Variants in MOCOS observed in about 807,000 individuals in gnomAD.
The protein encoded by MOCOS is human molybdenum cofactor sulfurase.
A neutral mutation model predicts 83.6 loss-of-function variants in MOCOS; 86 were observed. The ratio of observed to expected loss-of-function variants is 1.03; its 90% CI spans 0.86 to 1.23. The LOEUF is 1.23. Ranked by LOEUF, MOCOS falls within the 50% of genes most tolerant of loss-of-function variation. The pLI is 0.00. For missense variants in MOCOS, 1,120 were observed against 1,126.9 expected, an observed-to-expected ratio of 0.99 and a Z score of 0.09; for synonymous variants, 445 against 434.7, an observed-to-expected ratio of 1.02 and a Z score of -0.29.
Position 36,254,484 on chromosome 18 carries a change from GTGTGTGTGTGTGTGTA to G in MOCOS, c.2165-2482_2165-2467del, listed in dbSNP as rs1291401254. 2.4e-5 allele frequency among the ~76,000 whole-genome samples: 3 copies of G among 123,202 alleles called. No homozygotes were observed. The Admixed American group carries it at 2.8e-4, about 11-fold the overall frequency. 80.8% of individuals were successfully genotyped at this position (123,202 alleles called of 152,430 possible). On this transcript the variant is annotated intron_variant, in intron 11 of 14. Transcript: ENST00000261326. ...TGTGTGTGTGTGTGTGTGTGTGTGT[GTGTGTGTGTGTGTGTA>G]TAGAGAGAGAGAGAGCGAGAGGGAG...
At chr18:36,212,869 C>T (rs2091460234) in intron 6 of MOCOS, among the ~76,000 whole-genome samples, 2 of 152,160 alleles carry the variant, frequency 1.3e-5, no homozygotes, top group African/African-American at 2.4e-5. Context: ...GCCCCCAGGC[C>T]CTTGGGGAAT....
At chr18:36,205,444 A>G (rs971644422) in intron 6 of MOCOS, among the ~76,000 whole-genome samples, 168 bp downstream of exon 6, 13 of 152,224 alleles carry the variant, frequency 8.5e-5, no homozygotes, top group African/African-American at 3.1e-4. Context: ...TTACTCAGCC[A>G]AAAGTGGTAA....
At chr18:36,250,649 G>A (rs1277133902) in intron 10 of MOCOS, among the ~76,000 whole-genome samples, 1 of 152,114 alleles carries the variant, frequency 6.6e-6, no homozygotes, top group Non-Finnish European at 1.5e-5. Context: ...ATACATTTTG[G>A]ATAAACAAAA....
intron 6 of MOCOS, among the ~76,000 whole-genome samples, chr18:36,205,928 C>T (rs1409795839): frequency 6.6e-6 from 1 of 152,030 alleles, no homozygotes; most frequent in Non-Finnish European, 1.5e-5. Context: ...TTAGTAGATA[C>T]GGGGTTTCAC....
At chr18:36,191,649 C>T (rs2091366639) in intron 1 of MOCOS, among the ~76,000 whole-genome samples, 1 of 152,152 alleles carries the variant, frequency 6.6e-6, no homozygotes. Flanking sequence ...GTTGCTTATG[C>T]TGGTCTCAAA....
chr18:36,210,540 A>T (rs1467980090), intron 6 of MOCOS, among the ~76,000 whole-genome samples: 1 of 152,154 alleles, frequency 6.6e-6, no homozygotes, highest in East Asian at 1.9e-4. Flanking sequence ...TGGTAACATA[A>T]GTTTTATTCT....
chr18:36,203,689 C>T (rs558731520), intron 5 of MOCOS, among the ~76,000 whole-genome samples: 4 of 152,356 alleles, frequency 2.6e-5, no homozygotes, highest in African/African-American at 4.8e-5. Flanking sequence ...CTGTGTCTGC[C>T]GATGGTCTTC....
At chr18:36,242,434 A>G (rs2091587293) in intron 9 of MOCOS, among the ~76,000 whole-genome samples, 1 of 152,196 alleles carries the variant, frequency 6.6e-6, no homozygotes, top group Non-Finnish European at 1.5e-5. Context: ...ACTTTCTGAC[A>G]TCTTCCTGTC....
chr18:36,223,388 T>G (rs78209451), intron 9 of MOCOS, among the ~76,000 whole-genome samples: 2,754 of 152,332 alleles, frequency 0.018, 81 homozygotes, highest in African/African-American at 0.063. Flanking sequence ...TTTCCAAAGA[T>G]CATGTAACCA....
At chr18:36,266,629 G>A (rs2091682749) in intron 13 of MOCOS, 120 bp from the exon 14 acceptor site, 2 of 792,002 alleles carry the variant, frequency 2.5e-6, no homozygotes, top group Admixed American at 2.0e-5. Context: ...CGGTGAACAG[G>A]TGCCACGTTC....
chr18:36,237,063 T>C (rs1424816423), intron 9 of MOCOS, among the ~76,000 whole-genome samples: 1 of 148,206 alleles, frequency 6.7e-6, no homozygotes, highest in Non-Finnish European at 1.5e-5. Context: ...AGATATACAA[T>C]CATGTCATCT....
chr18:36,215,919 G>T lies in MOCOS; in HGVS notation c.1739G>T (p.Gly580Val). 1 of 1,613,694 alleles carries T rather than the reference G, an allele frequency of 6.2e-7. No homozygotes were observed. Among genetic ancestry groups the T allele is most frequent in the Non-Finnish European group, 8.5e-7 (1 of 1,179,714 alleles). The part of the protein sequence containing the change: ...KAAGVLEGAL[G>V]PHVVTNLYLY... ...GCAGGAGTCCTGGAGGGGGCCCTTG[G>T]GCCACATGTTGTCACTAACCTTTAT... The change falls in exon 8 of 15, where the codon GGG (glycine) becomes GTG (valine). Residue 580 changes from glycine (G) to valine (V), a missense_variant. Gly to Val is a moderately radical substitution (Grantham distance 109, BLOSUM62 -3). Transcript: ENST00000261326.
intron 13 of MOCOS, among the ~76,000 whole-genome samples, chr18:36,263,504 T>C (rs760547109): frequency 1.1e-4 from 17 of 152,188 alleles, no homozygotes; most frequent in Non-Finnish European, 1.3e-4. Flanking sequence ...TATTGCAGAG[T>C]AATTGAAAAA....
intron 13 of MOCOS, among the ~76,000 whole-genome samples, chr18:36,262,363 G>A (rs2091666996): frequency 1.3e-5 from 2 of 151,756 alleles, no homozygotes; most frequent in South Asian, 2.1e-4. Context: ...GCTCAAGCCT[G>A]TAGTGAATCA....
chr18:36,190,554 G>A (rs1232024350), intron 1 of MOCOS, among the ~76,000 whole-genome samples: 1 of 151,972 alleles, frequency 6.6e-6, no homozygotes, highest in African/African-American at 2.4e-5. Context: ...TTCAAGACCA[G>A]CCTGGGCAAC....
chr18:36,212,621 A>G (rs1163346975), intron 6 of MOCOS, among the ~76,000 whole-genome samples: 1 of 152,150 alleles, frequency 6.6e-6, no homozygotes, highest in Non-Finnish European at 1.5e-5. Context: ...ACACCAGAGG[A>G]GATGGCCAAA....
intron 9 of MOCOS, among the ~76,000 whole-genome samples, chr18:36,243,868 T>A (rs2091593176): frequency 6.6e-6 from 1 of 152,186 alleles, no homozygotes; most frequent in African/African-American, 2.4e-5. Context: ...TCCAGGAATT[T>A]ATCCATCTTC....
intron 9 of MOCOS, among the ~76,000 whole-genome samples, chr18:36,247,874 TTCTG>T (rs2091608224): frequency 6.6e-6 from 1 of 152,234 alleles, no homozygotes; most frequent in African/African-American, 2.4e-5. Context: ...CTACATGCTG[TTCTG>T]TCTGTCTAAC....
intron 8 of MOCOS, among the ~76,000 whole-genome samples, chr18:36,217,582 C>T (rs2091480178): frequency 6.6e-6 from 1 of 152,082 alleles, no homozygotes; most frequent in African/African-American, 2.4e-5. Context: ...AGGGACATTG[C>T]ACCCATGCTA....
Sources: gnomAD v4.1 joint callset for allele counts (sites outside exome capture counted in the v4.1 genomes callset) on GRCh38, gnomAD v4.1.1 for gene constraint, MANE v1.5 for transcripts, NCBI Gene and HGNC (gene_info 2026-07-23, HGNC 2026-07-21) for gene names.